Variants in DDIAS observed in about 807,000 individuals in gnomAD.
DDIAS encodes DNA damage-induced apoptosis suppressor protein.
In DDIAS, 14 loss-of-function variants were observed where a neutral mutation model predicts 15.7. The observed-to-expected ratio is 0.89, with a 90% confidence interval of 0.59 to 1.39. The LOEUF (loss-of-function observed/expected upper bound fraction) is 1.39. Ranked by LOEUF, DDIAS falls within the 40% of genes most tolerant of loss-of-function variation. DDIAS has a pLI of 0.00. For synonymous variants in DDIAS, 355 were observed against 395.9 expected (o/e 0.90, Z 1.23); for missense variants, 1,035 against 1,130.9 (o/e 0.92, Z 1.22).
intron 3 of DDIAS, among the ~76,000 whole-genome samples, chr11:82,916,696 T>C (rs1446482949): frequency 2.0e-5 from 3 of 152,242 alleles, no homozygotes; most frequent in Admixed American, 1.3e-4. Context: ...GAGTGTTTGC[T>C]GTACAGTAGG....
Position 82,932,088 on chromosome 11 carries a change from A to G in DDIAS, c.750A>G (p.Ser250=). The G allele has an allele frequency of 6.2e-7, 1 of 1,614,106 alleles. No homozygotes were observed. Among genetic ancestry groups the G allele is most frequent in the Non-Finnish European group, 8.5e-7 (1 of 1,179,990 alleles). The change falls in exon 6 of 6, where the codon TCA becomes TCG. Residue 250 remains serine (S), a synonymous_variant. Coordinates refer to ENST00000533655, the MANE Select transcript of DDIAS (RefSeq NM_145018.4). The stretch of plus-strand genomic sequence containing the variant: ...CACTTGAATTCACTTGCATTGTTTC[A>G]CAACTAACAGATAATGATGATTTTT... ...QPSLEFTCIV[S]QLTDNDDFSA...
At position 82,932,732 on chromosome 11, in the gene DDIAS, C is replaced by G; in HGVS notation, c.1394C>G (p.Pro465Arg). Reference protein sequence around the residue: ...HADHSRLSVTPQRTTGALHTP... With the variant: ...HADHSRLSVTRQRTTGALHTP... The stretch of plus-strand genomic sequence containing the variant: ...GACCACAGCAGGTTATCTGTGACTC[C>G]CCAGAGAACTACTGGAGCCCTGCAT... The change falls in exon 6 of 6, where the codon CCC (proline) becomes CGC (arginine). Residue 465 changes from proline to arginine, a missense_variant. Coordinates refer to ENST00000533655, the MANE Select transcript of DDIAS (RefSeq NM_145018.4). 1 of 1,613,946 alleles carries G rather than the reference C, an allele frequency of 6.2e-7. No individual in the cohort carries two copies. Among genetic ancestry groups the G allele is most frequent in the Non-Finnish European group, 8.5e-7 (1 of 1,179,996 alleles).
chr11:82,921,871 G>C (rs752974464), intron 3 of DDIAS, among the ~76,000 whole-genome samples: 1 of 152,148 alleles, frequency 6.6e-6, no homozygotes, highest in Non-Finnish European at 1.5e-5. Context: ...GAGCCACTGC[G>C]CCCAGCCTAG....
intron 3 of DDIAS, among the ~76,000 whole-genome samples, chr11:82,915,728 T>C (rs147463561): frequency 5.5e-4 from 84 of 152,278 alleles, no homozygotes; most frequent in African/African-American, 2.0e-3. Context: ...CAAATGTTGG[T>C]TAAATGAATG....
At chr11:82,913,015 A>G (rs1218811773) in intron 1 of DDIAS, among the ~76,000 whole-genome samples, 1 of 152,190 alleles carries the variant, frequency 6.6e-6, no homozygotes, top group African/African-American at 2.4e-5. Context: ...AAACAATTAC[A>G]ATAGTAACAT....
chr11:82,933,541 T>C lies in DDIAS; in HGVS notation c.2203T>C (p.Ser735Pro), dbSNP rs377026057. The C allele has an allele frequency of 1.9e-6, 3 of 1,614,000 alleles. No individual in the cohort carries two copies. In the African/African-American group the frequency reaches 4.0e-5, roughly 22 times the overall value. Residue 735 changes from serine (S) to proline (P), a missense_variant, in exon 6 of 6, where the codon TCC becomes CCC. Transcript: ENST00000533655. ...EDFIQPSQKL[S>P]LQSLSDSRHS... ...CTTCATCCAGCCTTCACAAAAATTATCCTTGCAAAGCCTATCTGACTCTAG... is the reference window on the plus strand; with the variant it reads ...CTTCATCCAGCCTTCACAAAAATTACCCTTGCAAAGCCTATCTGACTCTAG...
intron 3 of DDIAS, among the ~76,000 whole-genome samples, chr11:82,921,989 A>G (rs1446189078): frequency 4.6e-5 from 7 of 152,210 alleles, no homozygotes; most frequent in Admixed American, 4.6e-4. Flanking sequence ...ACTGGGTACA[A>G]AATTCTTGGC....
intron 3 of DDIAS, among the ~76,000 whole-genome samples, chr11:82,918,141 A>G (rs111717396): frequency 2.6e-5 from 4 of 152,160 alleles, no homozygotes; most frequent in Non-Finnish European, 4.4e-5. Flanking sequence ...AGTTTAATTA[A>G]GTCCCAGCTA....
At chr11:82,924,971 ATTAT>A (rs1860829106) in intron 3 of DDIAS, among the ~76,000 whole-genome samples, 1 of 152,190 alleles carries the variant, frequency 6.6e-6, no homozygotes, top group South Asian at 2.1e-4. Flanking sequence ...ATTCTAAGGC[ATTAT>A]TTGCCTTTTC....
intron 2 of DDIAS, 67 bp downstream of exon 2, chr11:82,913,453 C>G (rs941890641): frequency 4.2e-6 from 1 of 239,436 alleles, no homozygotes; most frequent in African/African-American, 2.4e-5. Context: ...CTGTGTTTCC[C>G]AGGCTGGTCT....
chr11:82,926,408 A>T (rs902418691), intron 3 of DDIAS, among the ~76,000 whole-genome samples: 1 of 151,882 alleles, frequency 6.6e-6, no homozygotes, highest in African/African-American at 2.4e-5. Flanking sequence ...ATTTTTGAAT[A>T]AAAAAAATAG....
intron 1 of DDIAS, among the ~76,000 whole-genome samples, chr11:82,906,380 TTAAA>T (rs1404885784): frequency 6.6e-6 from 1 of 152,156 alleles, no homozygotes; most frequent in Non-Finnish European, 1.5e-5. Context: ...CAGTAAACCC[TTAAA>T]TAAAGACAAT....
In DDIAS at chr11:82,931,618, C is replaced by T. The variant is rs189371522; in HGVS notation, c.394-114C>T. ...AAGTGATCTGCCTGCCTCGGCCTCT[C>T]AAAGTGCTGGGATTACAGGCATGAG... On this transcript the variant is annotated intron_variant, in intron 5 of 5. Coordinates refer to ENST00000533655, the MANE Select transcript of DDIAS (RefSeq NM_145018.4). 1,743 of 931,174 alleles carry T rather than the reference C, an allele frequency of 1.9e-3. 5 individuals are homozygous for T. Among genetic ancestry groups the T allele is most frequent in the Non-Finnish European group, 2.4e-3 (1,487 of 625,350 alleles). 57.7% of individuals were successfully genotyped at this position (931,174 alleles called of 1,614,324 possible).
At chr11:82,927,332 C>G (rs970214382) in intron 3 of DDIAS, among the ~76,000 whole-genome samples, 1 of 152,198 alleles carries the variant, frequency 6.6e-6, no homozygotes, top group African/African-American at 2.4e-5. Context: ...GGCTAACCTA[C>G]AGCACAAACT....
intron 5 of DDIAS, among the ~76,000 whole-genome samples, chr11:82,930,798 C>G (rs1180890722): frequency 6.6e-6 from 1 of 151,882 alleles, no homozygotes; most frequent in African/African-American, 2.4e-5. Flanking sequence ...AGTTTTCTGT[C>G]TCATCTATGC....
chr11:82,927,659 TTAAA>T (rs2121358705), intron 3 of DDIAS, among the ~76,000 whole-genome samples: 2 of 152,338 alleles, frequency 1.3e-5, no homozygotes, highest in South Asian at 4.1e-4. Context: ...ATTCTGTCTG[TTAAA>T]TAAAGTTAAC....
chr11:82,921,576 T>C (rs1000386511), intron 3 of DDIAS, among the ~76,000 whole-genome samples: 58 of 141,474 alleles, frequency 4.1e-4, no homozygotes, highest in Admixed American at 5.6e-4. Context: ...TCTTTCTTTT[T>C]TTTTTTTTTT....
intron 2 of DDIAS, chr11:82,914,056 C>T (rs1338449566): frequency 2.8e-6 from 1 of 354,764 alleles, no homozygotes; most frequent in Non-Finnish European, 5.4e-6. Flanking sequence ...CCTGCCGCAG[C>T]CTCCTGAGTA....
At chr11:82,914,959 T>A in intron 3 of DDIAS, 108 bp downstream of exon 3, 1 of 670,404 alleles carries the variant, frequency 1.5e-6, no homozygotes, top group Non-Finnish European at 2.4e-6. Context: ...CATTAGATTC[T>A]CTCAGGGGTT....
Sources: allele counts gnomAD v4.1 joint callset (sites outside exome capture counted in the v4.1 genomes callset), GRCh38; gene constraint gnomAD v4.1.1; transcripts MANE v1.5; gene names NCBI Gene and HGNC (gene_info 2026-07-23, HGNC 2026-07-21).